The following KLF8 variants were observed in gnomAD, a reference collection of about 807,000 sequenced individuals.
KLF8 encodes KLF transcription factor 8.
A neutral mutation model predicts 18.2 loss-of-function variants in KLF8; 10 were observed. The ratio of observed to expected loss-of-function variants is 0.55; its 90% CI spans 0.34 to 0.93. The LOEUF (loss-of-function observed/expected upper bound fraction) is 0.93, where lower values mean the gene tolerates loss of function less well. KLF8 is among the 40% of genes least tolerant of loss of function. The pLI is 0.02. For missense variants in KLF8, 264 were observed against 277.9 expected (o/e 0.95, Z 0.36); for synonymous variants, 109 against 97.3 (o/e 1.12, Z -0.71).
the KLF8 span, among the ~76,000 whole-genome samples, chrX:56,113,395 C>G: frequency 1.8e-5 from 2 of 108,887 alleles, no homozygotes; most frequent in Non-Finnish European, 1.9e-5. Flanking sequence ...TTCTCCCCTC[C>G]CTAGGTTTGC....
the KLF8 span, among the ~76,000 whole-genome samples, chrX:56,030,814 G>A: frequency 9.3e-6 from 1 of 108,003 alleles, no homozygotes; most frequent in Non-Finnish European, 1.9e-5. Context: ...AGAACTTTAG[G>A]GGCTGGCTTC....
the KLF8 span, among the ~76,000 whole-genome samples, chrX:55,922,627 G>A: frequency 9.0e-6 from 1 of 111,683 alleles, no homozygotes; most frequent in African/African-American, 3.3e-5. Flanking sequence ...AAATAAAATC[G>A]AAAGAAAGAA....
chrX:55,964,168 T>G, the KLF8 span, among the ~76,000 whole-genome samples: 1 of 111,398 alleles, frequency 9.0e-6, no homozygotes, highest in East Asian at 2.8e-4. Flanking sequence ...ATCGAGAACT[T>G]AGATCTAAAG....
the KLF8 span, among the ~76,000 whole-genome samples, chrX:56,039,714 T>C: frequency 8.9e-6 from 1 of 111,980 alleles, no homozygotes; most frequent in South Asian, 3.7e-4. Flanking sequence ...CTATTTGGGC[T>C]CTTTTTTGGT....
the KLF8 span, among the ~76,000 whole-genome samples, chrX:56,185,734 A>G: frequency 2.7e-5 from 3 of 112,095 alleles, no homozygotes; most frequent in South Asian, 3.7e-4. Context: ...ATTCTTAAAG[A>G]AAAGAATTTT....
At chrX:56,263,510 GA>G (rs2066916338) in intron 2 of KLF8, among the ~76,000 whole-genome samples, 1 of 39,570 alleles carries the variant, frequency 2.5e-5, no homozygotes, top group Non-Finnish European at 1.5e-4. Context: ...TTTTGACGCA[GA>G]GTCTTGCTCT....
At chrX:56,167,216 C>T in the KLF8 span, among the ~76,000 whole-genome samples, 1 of 111,317 alleles carries the variant, frequency 9.0e-6, no homozygotes, top group African/African-American at 3.3e-5. Flanking sequence ...CTGCAACCAC[C>T]GCCTCCTGGG....
At position 56,269,391 on chromosome X, in the gene KLF8, C is replaced by T. The variant is rs1342844460; in HGVS notation, c.660C>T (p.Pro220=). ...CTTTGCTTTTAGTGAAAGTTGACCC[C>T]ACCTCCATGTCTCCACTGGAAATTC... ...GKNAGSVKVD[P]TSMSPLEIPS... Residue 220 remains proline, a synonymous_variant, in exon 4 of 6, where the codon CCC becomes CCT. Coordinates refer to ENST00000468660, the MANE Select transcript of KLF8 (RefSeq NM_007250.5). The T allele has an allele frequency of 8.3e-7, 1 of 1,207,428 alleles. No homozygotes were observed. The highest frequency in any genetic ancestry group is 3.0e-5 in the East Asian group (1 of 33,714).
the KLF8 span, among the ~76,000 whole-genome samples, chrX:56,023,680 G>A: frequency 1.8e-5 from 2 of 109,576 alleles, no homozygotes; most frequent in African/African-American, 6.7e-5. Context: ...TCCTTTGATT[G>A]TTGCAAGAGT....
chrX:55,945,161 T>C, the KLF8 span, among the ~76,000 whole-genome samples: 1 of 111,331 alleles, frequency 9.0e-6, no homozygotes, highest in Non-Finnish European at 1.9e-5. Flanking sequence ...TTCTTAATCC[T>C]GAGTTCTGGT....
the KLF8 span, among the ~76,000 whole-genome samples, chrX:55,938,819 A>G: frequency 8.9e-6 from 1 of 111,892 alleles, no homozygotes; most frequent in South Asian, 3.8e-4. Context: ...CAAGAAGAAG[A>G]CCTAACTATC....
At chrX:56,072,824 C>T in the KLF8 span, among the ~76,000 whole-genome samples, 3 of 111,479 alleles carry the variant, frequency 2.7e-5, no homozygotes, top group East Asian at 8.4e-4. Context: ...TCATCCCAAG[C>T]AAAATCTGTC....
the KLF8 span, among the ~76,000 whole-genome samples, chrX:56,012,089 C>T: frequency 8.9e-6 from 1 of 111,972 alleles, no homozygotes; most frequent in Non-Finnish European, 1.9e-5. Flanking sequence ...GTGACCCCTC[C>T]CTAACTCATT....
At chrX:56,189,427 G>A in the KLF8 span, among the ~76,000 whole-genome samples, 3 of 111,523 alleles carry the variant, frequency 2.7e-5, no homozygotes, top group Admixed American at 1.9e-4. Flanking sequence ...TGGTGGGACT[G>A]TAAACTAGTT....
At chrX:56,065,320 G>C in the KLF8 span, among the ~76,000 whole-genome samples, 34 of 111,066 alleles carry the variant, frequency 3.1e-4, no homozygotes, top group Admixed American at 3.3e-3. Flanking sequence ...TATTTGAAAA[G>C]ATCTGTCTTC....
At chrX:56,044,687 C>T in the KLF8 span, among the ~76,000 whole-genome samples, 3 of 112,347 alleles carry the variant, frequency 2.7e-5, no homozygotes, top group Admixed American at 9.4e-5. Flanking sequence ...TCAACAAAAT[C>T]GCAGAGATCA....
chrX:56,172,589 A>G, the KLF8 span, among the ~76,000 whole-genome samples: 1 of 111,881 alleles, frequency 8.9e-6, no homozygotes, highest in Admixed American at 9.5e-5. Flanking sequence ...TCTTTATAGC[A>G]GCATGATTTA....
At chrX:56,123,968 A>G in the KLF8 span, among the ~76,000 whole-genome samples, 1 of 111,917 alleles carries the variant, frequency 8.9e-6, no homozygotes, top group Admixed American at 9.5e-5. Context: ...AGCTCAGCGT[A>G]CTTCCTAGGG....
the KLF8 span, among the ~76,000 whole-genome samples, chrX:56,216,061 A>G: frequency 9.3e-6 from 1 of 107,322 alleles, no homozygotes; most frequent in Non-Finnish European, 1.9e-5. Flanking sequence ...ATCATCTTAG[A>G]CACTTCCCTC....
Sources: allele counts gnomAD v4.1 joint callset (sites outside exome capture counted in the v4.1 genomes callset), GRCh38; gene constraint gnomAD v4.1.1; transcripts MANE v1.5; gene names NCBI Gene and HGNC (gene_info 2026-07-23, HGNC 2026-07-21).